CCDC7: variants seen among roughly 807,000 people sequenced by gnomAD.
CCDC7 encodes the protein coiled-coil domain-containing protein 7.
Under a neutral mutation model 196.9 loss-of-function variants are expected in CCDC7, and 183 were observed. The ratio of observed to expected loss-of-function variants is 0.93; its 90% confidence interval spans 0.82 to 1.05. CCDC7 has a LOEUF of 1.05. CCDC7 is among the 50% of genes least tolerant of loss of function. CCDC7 has a pLI of 0.00. For synonymous variants in CCDC7, 525 were observed against 484.6 expected (o/e 1.08, Z -1.10); for missense variants, 1,540 against 1,482.2 (o/e 1.04, Z -0.64).
chr10:32,446,078 C>T (rs1389096725), upstream of CCDC7: 1 of 152,218 alleles, frequency 6.6e-6, no homozygotes, highest in African/African-American at 2.4e-5. Context: ...CTCACGCTCG[C>T]AGCGTCAGCG....
chr10:32,631,972 T>C (rs2064931346), intron 18 of CCDC7, among the ~76,000 whole-genome samples: 1 of 152,134 alleles, frequency 6.6e-6, no homozygotes, highest in East Asian at 1.9e-4. Flanking sequence ...ATTGATCTTA[T>C]AATTTGAAAT....
intron 13 of CCDC7, among the ~76,000 whole-genome samples, chr10:32,550,185 G>A (rs1212241609): frequency 1.3e-5 from 2 of 150,964 alleles, no homozygotes; most frequent in Non-Finnish European, 3.0e-5. Context: ...TGTAAAAGGA[G>A]TTGAGTACTT....
At chr10:32,528,662 A>T (rs1414386519) in intron 11 of CCDC7, among the ~76,000 whole-genome samples, 1 of 146,884 alleles carries the variant, frequency 6.8e-6, no homozygotes, top group African/African-American at 2.5e-5. Flanking sequence ...ATATATATAT[A>T]CACACACATA....
chr10:32,637,498 A>G (rs900540043), intron 20 of CCDC7, among the ~76,000 whole-genome samples: 24 of 152,168 alleles, frequency 1.6e-4, no homozygotes, highest in Non-Finnish European at 2.5e-4. Context: ...TCCTTTCCCC[A>G]TTTCTTGTTT....
chr10:32,854,785 T>C (rs2093688108), intron 41 of CCDC7, among the ~76,000 whole-genome samples: 1 of 152,226 alleles, frequency 6.6e-6, no homozygotes, highest in South Asian at 2.1e-4. Context: ...TGATATTCTA[T>C]GATGTGAATG....
chr10:32,756,650 G>A (rs1200185902), intron 28 of CCDC7, among the ~76,000 whole-genome samples: 2 of 152,184 alleles, frequency 1.3e-5, no homozygotes, highest in Non-Finnish European at 2.9e-5. Flanking sequence ...GGAAAAACAT[G>A]CCAAATTGTA....
At chr10:32,444,759 T>C (rs941372153), upstream of CCDC7, among the ~76,000 whole-genome samples, 1 of 148,188 alleles carries the variant, frequency 6.7e-6, no homozygotes, top group Non-Finnish European at 1.5e-5. Context: ...GTGGAAAGCT[T>C]AATAAATCTG....
rs545351212 is a variant in CCDC7, at chr10:32,662,333, A to G, written c.2015-1721A>G. On this transcript the variant is annotated intron_variant, in intron 20 of 41. Coordinates refer to ENST00000639629, the Ensembl canonical transcript of CCDC7. ...ACCAGATACTGTGAGTGTTCAGCAG[A>G]TTTTTGGTTCCTACTAAGGTGCTTT... Among the ~76,000 whole-genome samples the G allele has an allele frequency of 2.0e-5, 3 of 152,252 alleles. No homozygotes were observed. In the South Asian group the frequency reaches 6.2e-4, roughly 32 times the overall value.
chr10:32,494,687 T>A (rs539672561), intron 9 of CCDC7, among the ~76,000 whole-genome samples: 1 of 152,096 alleles, frequency 6.6e-6, no homozygotes, highest in Non-Finnish European at 1.5e-5. Flanking sequence ...AGAATGATGG[T>A]TTCCAGCTTC....
intron 41 of CCDC7, among the ~76,000 whole-genome samples, chr10:32,860,959 C>A (rs1422889467): frequency 6.6e-6 from 1 of 151,870 alleles, no homozygotes; most frequent in Admixed American, 6.6e-5. Context: ...TAGGAAGAAT[C>A]AATATCGTGA....
intron 20 of CCDC7, among the ~76,000 whole-genome samples, chr10:32,655,354 A>G (rs1052475962): frequency 3.3e-5 from 5 of 152,178 alleles, no homozygotes; most frequent in Admixed American, 6.5e-5. Context: ...CAACAATTAT[A>G]CAAGGGTTTT....
At chr10:32,451,596 G>C, upstream of CCDC7, 1 of 1,526,350 alleles carries the variant, frequency 6.6e-7, no homozygotes, top group Non-Finnish European at 8.8e-7. Flanking sequence ...TCACAGGGAG[G>C]AATAAGTTTT....
chr10:32,729,141 A>AG (rs2083543171), intron 27 of CCDC7, 144 bp downstream of exon 28: 4 of 824,362 alleles, frequency 4.9e-6, no homozygotes, highest in Non-Finnish European at 7.4e-6. Context: ...TATGATAACT[A>AG]GAGAACAAAA....
In CCDC7 at chr10:32,869,880, A is replaced by G. The variant is rs1593662532; in HGVS notation, c.4112-6467A>G. ...CCTTTCCCCATTTCTTGTTTTTGTC[A>G]GGTTTGTCAAAGATCAGATGGTTGT... On this transcript the variant is annotated intron_variant, in intron 41 of 41. Transcript: ENST00000639629. Among the ~76,000 whole-genome samples the G allele has an allele frequency of 2.7e-5, 4 of 150,330 alleles. 1 individual carries two copies. The Middle Eastern group carries it at 0.01, about 383-fold the overall frequency.
intron 8 of CCDC7, among the ~76,000 whole-genome samples, 187 bp downstream of exon 9, chr10:32,474,210 C>CTT (rs71027095): frequency 0.041 from 2,397 of 58,958 alleles, 455 homozygotes; most frequent in East Asian, 0.13. Context: ...AAACTAGATT[C>CTT]TTTTTTTTTT....
intron 41 of CCDC7, among the ~76,000 whole-genome samples, chr10:32,872,251 T>C (rs886779852): frequency 3.3e-5 from 5 of 151,946 alleles, no homozygotes; most frequent in Non-Finnish European, 7.4e-5. Flanking sequence ...AAGTCTCTTT[T>C]TAGGTCTCTA....
chr10:32,742,929 G>C (rs2086124029), intron 28 of CCDC7, among the ~76,000 whole-genome samples: 1 of 152,144 alleles, frequency 6.6e-6, no homozygotes, highest in Non-Finnish European at 1.5e-5. Flanking sequence ...ATTCAGATTG[G>C]CTTATTTCAA....
chr10:32,608,536 G>GT (rs947261338), intron 18 of CCDC7, among the ~76,000 whole-genome samples: 2 of 151,542 alleles, frequency 1.3e-5, no homozygotes, highest in African/African-American at 4.8e-5. Context: ...TGACTTCCAT[G>GT]TTTTTTTATT....
chr10:32,828,464 AGAGGAAGAGGAAGAGGAAGAG>A (rs1565633514), intron 32 of CCDC7, among the ~76,000 whole-genome samples: 9 of 67,004 alleles, frequency 1.3e-4, no homozygotes, highest in African/African-American at 3.5e-4. Context: ...AAGAAGAAGA[AGAGGAAGAGGAAGAGGAAGAG>A]GAAGAAGAAG....
Sources: gnomAD v4.1 joint callset for allele counts (sites outside exome capture counted in the v4.1 genomes callset) on GRCh38, gnomAD v4.1.1 for gene constraint, MANE v1.5 for transcripts, NCBI Gene and HGNC (gene_info 2026-07-23, HGNC 2026-07-21) for gene names.